AJAP1: variants seen among roughly 807,000 people sequenced by gnomAD.
The protein encoded by AJAP1 is adherens junctions associated protein 1, also known as adherens junction-associated protein 1.
Under a neutral mutation model 35.0 loss-of-function variants are expected in AJAP1, and 5 were observed. The observed-to-expected ratio is 0.14, with a 90% CI of 0.07 to 0.30. The LOEUF (loss-of-function observed/expected upper bound fraction) is 0.30, where lower values mean the gene tolerates loss of function less well. Ranked by LOEUF, AJAP1 falls within the 10% of genes least tolerant of loss-of-function variation. The probability of loss-of-function intolerance (pLI) is 1.00; values close to 1 mark genes in which losing one functional copy is unlikely to be tolerated. For synonymous variants in AJAP1, 284 were observed against 249.3 expected (o/e 1.14, Z -1.31); for missense variants, 586 against 571.0 (o/e 1.03, Z -0.27).
chr1:4,777,676 G>A (rs530758950), intron 5 of AJAP1: 8 of 152,320 alleles, frequency 5.3e-5, no homozygotes, highest in South Asian at 4.1e-4. Flanking sequence ...AGGCCGCTTC[G>A]TTCTGAACGG....
intron 2 of AJAP1, among the ~76,000 whole-genome samples, chr1:4,752,084 A>G (rs1220927754): frequency 1.3e-5 from 2 of 151,988 alleles, no homozygotes; most frequent in Admixed American, 6.5e-5. Flanking sequence ...AGGAAGTGCC[A>G]TCTCAGACAC....
At chr1:4,709,458 TCTGGTGAGGC>T (rs1250983984) in intron 1 of AJAP1, among the ~76,000 whole-genome samples, 1 of 150,212 alleles carries the variant, frequency 6.7e-6, no homozygotes, top group African/African-American at 2.5e-5. Context: ...CATGGCAGAG[TCTGGTGAGGC>T]CTGGTGGAGC....
chr1:4,744,621 A>G (rs1231913666), intron 2 of AJAP1, among the ~76,000 whole-genome samples: 1 of 99,884 alleles, frequency 1.0e-5, no homozygotes, highest in Non-Finnish European at 2.2e-5. Flanking sequence ...GCCCACATGC[A>G]TATGCACACA....
Position 4,783,020 on chromosome 1 carries a change from A to G in AJAP1, c.*535A>G, listed in dbSNP as rs1489590346. The G allele has an allele frequency of 2.5e-6, 1 of 392,652 alleles. No individual in the cohort carries two copies. The highest frequency in any genetic ancestry group is 4.5e-6 in the Non-Finnish European group (1 of 223,466). 24.3% of individuals were successfully genotyped at this position (392,652 alleles called of 1,614,324 possible). A position where few individuals can be genotyped will look rare whatever the true frequency, so the allele number is the denominator to read the frequency against. On this transcript the variant is annotated 3_prime_UTR_variant, in exon 6 of 6. Coordinates refer to ENST00000378191, the MANE Select transcript of AJAP1 (RefSeq NM_018836.4). ...CGCTATTTCTGGTTAATATACATAT[A>G]TAAATATATAAATACAAACACACAC...
chr1:4,770,618 G>C (rs139940171), intron 3 of AJAP1, among the ~76,000 whole-genome samples: 1 of 152,112 alleles, frequency 6.6e-6, no homozygotes, highest in South Asian at 2.1e-4. Context: ...GTCTCCTTTC[G>C]GCATCCAGGC....
chr1:4,771,788 C>G (rs1482349849), intron 3 of AJAP1, among the ~76,000 whole-genome samples: 2 of 152,162 alleles, frequency 1.3e-5, no homozygotes, highest in African/African-American at 2.4e-5. Flanking sequence ...AGGCTGAGGA[C>G]AGGGGCTTTC....
At position 4,752,500 on chromosome 1, in the gene AJAP1, G is replaced by A. The variant is rs1012366685; in HGVS notation, c.830-17353G>A. Reference sequence around the variant, plus strand: ...CAATCTTACGAGCTATGGGGACCGAGTGGTCCACCTGGCTCATAGCAGGCT... The same window carrying A: ...CAATCTTACGAGCTATGGGGACCGAATGGTCCACCTGGCTCATAGCAGGCT... On this transcript the variant is annotated intron_variant, in intron 2 of 5. Coordinates refer to ENST00000378191, the MANE Select transcript of AJAP1 (RefSeq NM_018836.4). 4.6e-5 allele frequency among the ~76,000 whole-genome samples: 7 copies of A among 152,184 alleles called. No individual in the cohort carries two copies. In the South Asian group the frequency reaches 6.2e-4, roughly 13 times the overall value.
At chr1:4,662,819 G>A (rs987414463) in intron 1 of AJAP1, among the ~76,000 whole-genome samples, 1 of 152,250 alleles carries the variant, frequency 6.6e-6, no homozygotes, top group African/African-American at 2.4e-5. Context: ...ATTCTGCCAC[G>A]GGGATGTGTT....
In AJAP1 at chr1:4,772,458, C is replaced by T. The variant is rs1265277998; in HGVS notation, c.1096C>T (p.Pro366Ser). The T allele has an allele frequency of 6.2e-7, 1 of 1,614,230 alleles. No individual in the cohort carries two copies. Among genetic ancestry groups the T allele is most frequent in the Admixed American group, 1.7e-5 (1 of 60,022 alleles). The change falls in exon 4 of 6, where the codon CCC (proline) becomes TCC (serine). Residue 366 changes from proline (P) to serine (S), a missense_variant. Physicochemically the swap from Pro to Ser is moderately conservative, Grantham distance 74. Transcript: ENST00000378191. ...TCACGAGTGCGTCAGGGCATCTGTG[C>T]CCGTGTACACCGATGAGACGCTGCA... ...CSHECVRASV[P>S]VYTDETLHST...
At chr1:4,657,751 G>A (rs537249281) in intron 1 of AJAP1, among the ~76,000 whole-genome samples, 40 of 152,034 alleles carry the variant, frequency 2.6e-4, no homozygotes, top group Non-Finnish European at 5.4e-4. Flanking sequence ...TCTTAGTTCC[G>A]GCCCCAGAGA....
intron 2 of AJAP1, among the ~76,000 whole-genome samples, chr1:4,745,423 C>T (rs545465175): frequency 2.0e-5 from 3 of 152,222 alleles, no homozygotes; most frequent in Admixed American, 1.3e-4. Flanking sequence ...GTTGCCCTGC[C>T]CTCCATCCTG....
chr1:4,707,341 A>G (rs893705762), intron 1 of AJAP1, among the ~76,000 whole-genome samples: 1 of 152,174 alleles, frequency 6.6e-6, no homozygotes, highest in Non-Finnish European at 1.5e-5. Flanking sequence ...GGTTTTGTAT[A>G]GGCATAGAGT....
In AJAP1 at chr1:4,655,464, C is replaced by T. The variant is rs1487788500; in HGVS notation, c.29+10C>T. The T allele has an allele frequency of 1.9e-6, 3 of 1,565,366 alleles. No individual in the cohort carries two copies. Among genetic ancestry groups the T allele is most frequent in the African/African-American group, 1.4e-5 (1 of 71,228 alleles). On this transcript the variant is annotated intron_variant, in intron 1 of 5. Coordinates refer to ENST00000378191, the MANE Select transcript of AJAP1 (RefSeq NM_018836.4). The surrounding 1 kb of genome is among the most constrained non-coding windows in gnomAD (Gnocchi z 6.9). ...AGCTTTTAGGACTCAGGTGAGCGAC[C>T]CGGCCGGCGCCGGGTGCGTGTGGGC... is the stretch of plus-strand genomic sequence containing the variant.
chr1:4,774,539 C>T lies in AJAP1; in HGVS notation c.*40C>T, dbSNP rs761895709. 44 of 1,586,184 alleles carry T rather than the reference C, an allele frequency of 2.8e-5. No homozygotes were observed. The highest frequency in any genetic ancestry group is 4.5e-5 in the East Asian group (2 of 44,734). On this transcript the variant is annotated 3_prime_UTR_variant, in exon 5 of 6. Coordinates refer to ENST00000378191, the MANE Select transcript of AJAP1 (RefSeq NM_018836.4). ...TTTTACCTCCTGGGGGCAGGGCAGA[C>T]GCCGTGTGTCTGTTTCACGGTAGGT...
At chr1:4,724,018 G>A (rs200038237) in intron 2 of AJAP1, among the ~76,000 whole-genome samples, 1 of 152,162 alleles carries the variant, frequency 6.6e-6, no homozygotes, top group East Asian at 1.9e-4. Context: ...GTTTCTCCCC[G>A]AGGGCTGACC....
intron 2 of AJAP1, among the ~76,000 whole-genome samples, chr1:4,749,084 C>G (rs777521416): frequency 7.2e-5 from 11 of 152,206 alleles, no homozygotes; most frequent in Non-Finnish European, 1.2e-4. Context: ...TGCCAGGGCC[C>G]TGCAGTCCAG....
At chr1:4,702,914 C>G (rs991593250) in intron 1 of AJAP1, among the ~76,000 whole-genome samples, 4 of 152,274 alleles carry the variant, frequency 2.6e-5, no homozygotes, top group South Asian at 2.1e-4. Context: ...TTTCCAAGCT[C>G]TGGGGGAGGA....
At chr1:4,745,235 A>G (rs1409890283) in intron 2 of AJAP1, among the ~76,000 whole-genome samples, 5 of 152,050 alleles carry the variant, frequency 3.3e-5, no homozygotes, top group African/African-American at 1.2e-4. Flanking sequence ...TAGGGCGACA[A>G]TTTCCTAAAT....
intron 2 of AJAP1, among the ~76,000 whole-genome samples, chr1:4,736,358 G>A (rs1208418387): frequency 1.3e-5 from 2 of 152,266 alleles, no homozygotes; most frequent in Middle Eastern, 3.4e-3. Flanking sequence ...TGCCCGCTGC[G>A]CTGTGCGCAG....
Sources: allele counts gnomAD v4.1 joint callset (sites outside exome capture counted in the v4.1 genomes callset), GRCh38; gene constraint gnomAD v4.1.1; non-coding constraint Gnocchi (gnomAD v3.1); transcripts MANE v1.5; gene names NCBI Gene and HGNC (gene_info 2026-07-23, HGNC 2026-07-21).